Variants in CCDC106 observed in about 807,000 individuals in gnomAD.
CCDC106 encodes coiled-coil domain containing 106, also known as coiled-coil domain-containing protein 106.
A neutral mutation model predicts 24.7 loss-of-function variants in CCDC106; 17 were observed. The observed-to-expected ratio is 0.69, with a 90% CI of 0.47 to 1.03. CCDC106 has a LOEUF of 1.03. Among genes scored for constraint, CCDC106 ranks in the 50% least tolerant of loss-of-function variants. The pLI is 0.00. For missense variants in CCDC106, 337 were observed against 388.9 expected (o/e 0.87, Z 1.12); for synonymous variants, 211 against 161.3 (o/e 1.31, Z -2.34).
At position 55,649,430 on chromosome 19, in the gene CCDC106, C is replaced by A. The variant is rs765941141; in HGVS notation, c.159C>A (p.Ser53=). The A allele has an allele frequency of 1.2e-6, 2 of 1,613,994 alleles. No individual in the cohort carries two copies. The highest frequency in any genetic ancestry group is 1.3e-5 in the African/African-American group (1 of 74,912). ...TAGAGCCTCCGGAGGCTGCGTCCTC[C>A]GCCCTGGCTCTGATGAACAGCGTCA... The part of the protein sequence containing the change: ...NFEEPPEAAS[S]ALALMNSVKT... The change falls in exon 3 of 5, where the codon TCC becomes TCA. Residue 53 remains serine, a synonymous_variant. Transcript: ENST00000586790.
In CCDC106 at chr19:55,648,299, CG is replaced by C. The variant is rs933134332; in HGVS notation, c.-746del. The C allele has an allele frequency of 6.6e-6, 1 of 152,122 alleles. No individual in the cohort carries two copies. The highest frequency in any genetic ancestry group is 2.4e-5 in the African/African-American group (1 of 41,428). The allele number at this position is 152,122 out of a possible 1,614,324, so 9.4% of individuals were successfully genotyped here. ...GCGGGTGGGTGAGCGCGGGGGGCCT[CG>C]GCCCCTCGGACCCCGGGCACCCGCG... On this transcript the variant is annotated 5_prime_UTR_variant, in exon 1 of 5. The change creates a premature stop within an existing upstream ORF in the 5' untranslated region. Transcript: ENST00000586790.
Position 55,652,953 on chromosome 19 carries a change from G to C in CCDC106, c.*207G>C. The C allele has an allele frequency of 1.8e-6, 1 of 556,540 alleles. No homozygotes were observed. The highest frequency in any genetic ancestry group is 2.2e-5 in the South Asian group (1 of 46,196). 34.5% of individuals were successfully genotyped at this position (556,540 alleles called of 1,614,324 possible). A position where few individuals can be genotyped will look rare whatever the true frequency, so the allele number is the denominator to read the frequency against. ...CACCCCCTTCCGCTTGGGCTGCCCA[G>C]CCCTGTCCTCGCCGGGCCCCTTCCT... On this transcript the variant is annotated 3_prime_UTR_variant, in exon 5 of 5. Coordinates refer to ENST00000586790, the MANE Select transcript of CCDC106 (RefSeq NM_001370470.1). The surrounding 1 kb of genome is among the most constrained non-coding windows in gnomAD (Gnocchi z 5.9).
At chr19:55,651,226 G>C (rs1983238018) in intron 3 of CCDC106, 57 bp from the exon 4 acceptor site, 4 of 1,346,002 alleles carry the variant, frequency 3.0e-6, no homozygotes, top group Non-Finnish European at 3.2e-6. Context: ...CTCAGTCCCG[G>C]GACCTGTGAT....
chr19:55,653,008 CCCT>C lies in CCDC106; in HGVS notation c.*264_*266del. On this transcript the variant is annotated 3_prime_UTR_variant, in exon 5 of 5. Coordinates refer to ENST00000586790, the MANE Select transcript of CCDC106 (RefSeq NM_001370470.1). ...GAAAACCAGGCAGGCGGGTGCCCCC[CCCT>C]CGAGTGGGGGACTGTACAGACCCCG... 1 of 493,830 alleles carries C rather than the reference CCCT, an allele frequency of 2.0e-6. No individual in the cohort carries two copies. The highest frequency in any genetic ancestry group is 3.8e-5 in the East Asian group (1 of 26,644). The allele number at this position is 493,830 out of a possible 1,614,324, so 30.6% of individuals were successfully genotyped here. A position where few individuals can be genotyped will look rare whatever the true frequency, so the allele number is the denominator to read the frequency against.
chr19:55,650,034 G>A (rs1983136968), intron 3 of CCDC106, among the ~76,000 whole-genome samples: 1 of 152,092 alleles, frequency 6.6e-6, no homozygotes, highest in Non-Finnish European at 1.5e-5. Flanking sequence ...CAAGAGTCCA[G>A]CCATCCGGCC....
At position 55,648,531 on chromosome 19, in the gene CCDC106, G is replaced by C. The variant is rs973501063; in HGVS notation, c.-516G>C. On this transcript the variant is annotated 5_prime_UTR_variant, in exon 1 of 5. Coordinates refer to ENST00000586790, the MANE Select transcript of CCDC106 (RefSeq NM_001370470.1). ...CGCCCGCCCACGCGAGTGCGGGGGA[G>C]GGGTGTGGGGGCCCCGAAGGTAGAG... The C allele has an allele frequency of 1.9e-5, 3 of 158,980 alleles. No homozygotes were observed. Among genetic ancestry groups the C allele is most frequent in the Non-Finnish European group, 4.2e-5 (3 of 71,940 alleles). 9.8% of individuals were successfully genotyped at this position (158,980 alleles called of 1,614,324 possible).
Position 55,652,811 on chromosome 19 carries a change from C to T in CCDC106, c.*65C>T, listed in dbSNP as rs866244782. 22 of 1,372,806 alleles carry T rather than the reference C, an allele frequency of 1.6e-5. No homozygotes were observed. Among genetic ancestry groups the T allele is most frequent in the Middle Eastern group, 2.5e-4 (1 of 4,062 alleles). 85.0% of individuals were successfully genotyped at this position (1,372,806 alleles called of 1,614,324 possible). On this transcript the variant is annotated 3_prime_UTR_variant, in exon 5 of 5. Transcript: ENST00000586790. This position sits in a 1 kb window ranked among gnomAD's most constrained non-coding sequence, Gnocchi z 5.9. ...CCCGTGGACCCCGGTGGATGACCTGCCCCTCTCCCCGCCGCGCCCCTGCCC... is the reference window on the plus strand; with the variant it reads ...CCCGTGGACCCCGGTGGATGACCTGTCCCTCTCCCCGCCGCGCCCCTGCCC...
At chr19:55,651,792 G>C (rs1245821213) in intron 4 of CCDC106, among the ~76,000 whole-genome samples, 5 of 152,060 alleles carry the variant, frequency 3.3e-5, no homozygotes, top group African/African-American at 1.2e-4. Flanking sequence ...CTCCCGAGTA[G>C]CTGGGACTAC....
Position 55,652,918 on chromosome 19 carries a change from C to G in CCDC106, c.*172C>G, listed in dbSNP as rs1039749276. On this transcript the variant is annotated 3_prime_UTR_variant, in exon 5 of 5. Transcript: ENST00000586790. The surrounding 1 kb of genome is among the most constrained non-coding windows in gnomAD (Gnocchi z 5.9). Reference sequence around the variant, plus strand: ...CCCCGGACCGGCCGCGGCCCCTTCCCGAACGCCGGCACCCCCTTCCGCTTG... The same window carrying G: ...CCCCGGACCGGCCGCGGCCCCTTCCGGAACGCCGGCACCCCCTTCCGCTTG... 1.5e-5 allele frequency: 9 copies of G among 600,632 alleles called. No individual in the cohort carries two copies. In the East Asian group the frequency reaches 1.7e-4, roughly 12 times the overall value. 37.2% of individuals were successfully genotyped at this position (600,632 alleles called of 1,614,324 possible).
intron 3 of CCDC106, among the ~76,000 whole-genome samples, chr19:55,649,904 CT>C (rs1294364958): frequency 1.3e-5 from 2 of 152,152 alleles, no homozygotes; most frequent in African/African-American, 4.8e-5. Flanking sequence ...CTGAGAGCCC[CT>C]CTCTTCTGAC....
Position 55,652,933 on chromosome 19 carries a change from C to T in CCDC106, c.*187C>T, listed in dbSNP as rs999093390. 2 of 586,460 alleles carry T rather than the reference C, an allele frequency of 3.4e-6. No individual in the cohort carries two copies. The highest frequency in any genetic ancestry group is 6.0e-6 in the Non-Finnish European group (2 of 333,154). The allele number at this position is 586,460 out of a possible 1,614,324, so 36.3% of individuals were successfully genotyped here. On this transcript the variant is annotated 3_prime_UTR_variant, in exon 5 of 5. Coordinates refer to ENST00000586790, the MANE Select transcript of CCDC106 (RefSeq NM_001370470.1). The surrounding 1 kb of genome is among the most constrained non-coding windows in gnomAD (Gnocchi z 5.9). ...GGCCCCTTCCCGAACGCCGGCACCC[C>T]CTTCCGCTTGGGCTGCCCAGCCCTG...
chr19:55,648,059 G>A (rs897597023), upstream of CCDC106: 1 of 152,290 alleles, frequency 6.6e-6, no homozygotes, highest in Non-Finnish European at 1.5e-5. Flanking sequence ...CCTGGACCCG[G>A]GGACTCTTCA....
Position 55,649,275 on chromosome 19 carries a change from T to C in CCDC106, c.102T>C (p.Phe34=), listed in dbSNP as rs114465612. The part of the protein sequence containing the change: ...DEAPHLDPQI[F]YSLSPSRRNF... ...CACCCCACCTAGACCCACAGATCTT[T>C]TACAGTCTGAGCCCCTCTCGGAGAA... Residue 34 remains phenylalanine, a synonymous_variant, in exon 2 of 5, where the codon TTT becomes TTC. Coordinates refer to ENST00000586790, the MANE Select transcript of CCDC106 (RefSeq NM_001370470.1). The C allele has an allele frequency of 8.8e-4, 1,423 of 1,614,004 alleles. 20 individuals are homozygous for C. In the African/African-American group the frequency reaches 0.017, roughly 19 times the overall value.
Position 55,652,512 on chromosome 19 carries a change from C to T in CCDC106, c.609C>T (p.Phe203=). 1 of 1,613,534 alleles carries T rather than the reference C, an allele frequency of 6.2e-7. No homozygotes were observed. The highest frequency in any genetic ancestry group is 8.5e-7 in the Non-Finnish European group (1 of 1,179,858). ...FQKLKSMSRA[F]EHHRVDRNTV... The stretch of plus-strand genomic sequence containing the variant: ...AGCTCAAGAGCATGTCGCGGGCCTT[C>T]GAGCACCACCGCGTGGACAGGAACA... The change falls in exon 5 of 5, where the codon TTC becomes TTT. Residue 203 remains phenylalanine (F), a synonymous_variant. Coordinates refer to ENST00000586790, the MANE Select transcript of CCDC106 (RefSeq NM_001370470.1). The surrounding 1 kb of genome is among the most constrained non-coding windows in gnomAD (Gnocchi z 5.9).
rs519856 is a variant in CCDC106 at position 55,651,515 on chromosome 19, C to G, written c.526+20C>G. 36 of 1,511,372 alleles carry G rather than the reference C, an allele frequency of 2.4e-5. No homozygotes were observed. In the African/African-American group the frequency reaches 4.8e-4, roughly 20 times the overall value. The allele number at this position is 1,511,372 out of a possible 1,614,324, so 93.6% of individuals were successfully genotyped here. ...AGCGAGGTGAGTGGGGTGCATGGGG[C>G]GGGCGCTGAGGGGCCCGGGCTGCTG... On this transcript the variant is annotated intron_variant, in intron 4 of 4. Coordinates refer to ENST00000586790, the MANE Select transcript of CCDC106 (RefSeq NM_001370470.1).
rs1165128499 is a variant in CCDC106 at position 55,649,464 on chromosome 19, C to A, written c.193C>A (p.Leu65Met). The change falls in exon 3 of 5, where the codon CTG becomes ATG. Residue 65 changes from leucine to methionine, a missense_variant. Physicochemically the swap from Leu to Met is conservative, Grantham distance 15. Around this residue, in one of 2 missense-constraint regions of CCDC106, gnomAD observed 234 missense variants for 236.5 expected, o/e 0.99. Coordinates refer to ENST00000586790, the MANE Select transcript of CCDC106 (RefSeq NM_001370470.1). ...LALMNSVKTQ[L>M]HMALERNSWL... ...TCTGATGAACAGCGTCAAGACCCAG[C>A]TGCACATGGCTCTGGAGAGGAACTC... The A allele has an allele frequency of 6.2e-7, 1 of 1,614,102 alleles. No individual in the cohort carries two copies. Among genetic ancestry groups the A allele is most frequent in the Admixed American group, 1.7e-5 (1 of 60,022 alleles).
At chr19:55,649,699 C>G (rs1328080972) in intron 3 of CCDC106, 115 bp downstream of exon 3, 1 of 979,024 alleles carries the variant, frequency 1.0e-6, no homozygotes, top group Non-Finnish European at 1.5e-6. Context: ...CATGTTGGCC[C>G]TATCTGCTAG....
chr19:55,652,718 T>C lies in CCDC106; in HGVS notation c.815T>C (p.Leu272Pro). 1 of 1,612,470 alleles carries C rather than the reference T, an allele frequency of 6.2e-7. No homozygotes were observed. Among genetic ancestry groups the C allele is most frequent in the Non-Finnish European group, 8.5e-7 (1 of 1,179,742 alleles). The part of the protein sequence containing the change: ...VQALKKSKLL[L>P]PITYRFKR The stretch of plus-strand genomic sequence containing the variant: ...GCGCTCAAGAAGAGCAAGCTGCTGC[T>C]GCCCATCACCTACCGCTTCAAGCGG... The change falls in exon 5 of 5, where the codon CTG (leucine) becomes CCG (proline). Residue 272 changes from leucine (L) to proline (P), a missense_variant. Leu to Pro is a moderately conservative substitution (Grantham distance 98, BLOSUM62 -3). Transcript: ENST00000586790. This position sits in a 1 kb window ranked among gnomAD's most constrained non-coding sequence, Gnocchi z 5.9.
rs531935321 is a variant in CCDC106, at chr19:55,653,002, G to GCC, written c.*263_*264dup. 784 of 449,528 alleles carry GCC rather than the reference G, an allele frequency of 1.7e-3. No individual in the cohort carries two copies. Among genetic ancestry groups the GCC allele is most frequent in the East Asian group, 3.0e-3 (72 of 23,814 alleles). 27.8% of individuals were successfully genotyped at this position (449,528 alleles called of 1,614,324 possible). ...CTCCTGGAAAACCAGGCAGGCGGGT[G>GCC]CCCCCCCCTCGAGTGGGGGACTGTA... On this transcript the variant is annotated 3_prime_UTR_variant, in exon 5 of 5. Transcript: ENST00000586790.
Sources: allele counts gnomAD v4.1 joint callset (sites outside exome capture counted in the v4.1 genomes callset), GRCh38; gene constraint gnomAD v4.1.1; regional missense constraint gnomAD v4.1.1; non-coding constraint Gnocchi (gnomAD v3.1); transcripts MANE v1.5; gene names NCBI Gene and HGNC (gene_info 2026-07-23, HGNC 2026-07-21).